The following MYOCD variants were observed in gnomAD, a reference collection of about 807,000 sequenced individuals.
MYOCD encodes the protein myocardin.
MYOCD carries 32 observed loss-of-function variants against 96.1 expected under a neutral mutation model. The observed-to-expected ratio is 0.33, with a 90% confidence interval of 0.25 to 0.45. The LOEUF is 0.45. Among genes scored for constraint, MYOCD ranks in the 20% least tolerant of loss-of-function variants. The pLI is 1.00. For synonymous variants in MYOCD, 469 were observed against 469.0 expected (o/e 1.00, Z 0.00); for missense variants, 1,133 against 1,200.6 (o/e 0.94, Z 0.83).
At chr17:12,753,770 A>G (rs2032931162) in intron 10 of MYOCD, among the ~76,000 whole-genome samples, 2 of 152,178 alleles carry the variant, frequency 1.3e-5, no homozygotes, top group South Asian at 4.1e-4. Context: ...CAGGATTCCC[A>G]GGATTCCTCG....
chr17:12,739,333 G>A lies in MYOCD; in HGVS notation c.717+5G>A. The A allele has an allele frequency of 6.4e-7, 1 of 1,558,066 alleles. No individual in the cohort carries two copies. The highest frequency in any genetic ancestry group is 2.0e-5 in the Admixed American group (1 of 49,014). Reference sequence around the variant, plus strand: ...GCCGTGCATGCTGCTGTAAAGGTACGGACACATCAGCCTCCAAGCCCTGCC... The same window carrying A: ...GCCGTGCATGCTGCTGTAAAGGTACAGACACATCAGCCTCCAAGCCCTGCC... On this transcript the variant is annotated splice_donor_5th_base_variant and intron_variant, in intron 7 of 13. Coordinates refer to ENST00000425538, the MANE Select transcript of MYOCD (RefSeq NM_001146312.3).
rs755745713 is a variant in MYOCD at position 12,758,154 on chromosome 17, T to G, written c.2272T>G (p.Ser758Ala). Residue 758 changes from serine to alanine, a missense_variant, in exon 12 of 14, where the codon TCA becomes GCA. Ser to Ala is a moderately conservative substitution (Grantham distance 99). Coordinates refer to ENST00000425538, the MANE Select transcript of MYOCD (RefSeq NM_001146312.3). ...AATTCCATCCCCAACTTTTTCTAAG[T>G]CAAGTTCAGCAATTTCAGAGGTAAC... ...FSIPSPTFSK[S>A]SSAISEVTQP... 2.5e-6 allele frequency: 4 copies of G among 1,614,060 alleles called. No individual in the cohort carries two copies. Among genetic ancestry groups the G allele is most frequent in the Non-Finnish European group, 3.4e-6 (4 of 1,180,030 alleles).
At chr17:12,732,499 C>G (rs1355346810) in intron 5 of MYOCD, among the ~76,000 whole-genome samples, 1 of 152,208 alleles carries the variant, frequency 6.6e-6, no homozygotes, top group African/African-American at 2.4e-5. Context: ...CCAGCACTCA[C>G]CAGGCAGTCT....
At chr17:12,673,075 A>T (rs1909800924) in intron 1 of MYOCD, among the ~76,000 whole-genome samples, 1 of 152,038 alleles carries the variant, frequency 6.6e-6, no homozygotes, top group Admixed American at 6.5e-5. Flanking sequence ...ATGACTAGAA[A>T]ATACCCCATA....
intron 12 of MYOCD, among the ~76,000 whole-genome samples, chr17:12,759,171 A>C (rs1402221138): frequency 2.0e-5 from 3 of 152,208 alleles, no homozygotes; most frequent in African/African-American, 7.2e-5. Context: ...CATTTACATC[A>C]ATTGCTACAT....
At chr17:12,697,355 A>ATTTTTTT (rs2030810224) in intron 1 of MYOCD, among the ~76,000 whole-genome samples, 1 of 86,022 alleles carries the variant, frequency 1.2e-5, no homozygotes, top group African/African-American at 6.1e-5. Flanking sequence ...ATATATATAT[A>ATTTTTTT]TATATTTTTT....
Position 12,736,329 on chromosome 17 carries a change from C to T in MYOCD, c.584C>T (p.Thr195Ile), listed in dbSNP as rs2032343912. ...ACCCCTTCGACAGGTTCTCTGGGGA[C>T]AAACCAGGTAAAAAACAAAACAAAC... ...SDTPSTGSLG[T>I]NQDLASGSEN... Residue 195 changes from threonine to isoleucine, a missense_variant, in exon 6 of 14, where the codon ACA becomes ATA. Thr to Ile is a moderately conservative substitution (Grantham distance 89, BLOSUM62 -1). Coordinates refer to ENST00000425538, the MANE Select transcript of MYOCD (RefSeq NM_001146312.3). 6.2e-7 allele frequency: 1 copy of T among 1,611,528 alleles called. No homozygotes were observed. The highest frequency in any genetic ancestry group is 1.7e-4 in the Middle Eastern group (1 of 6,038).
rs1597823300 is a variant in MYOCD at position 12,763,564 on chromosome 17, A to G, written c.2881A>G (p.Ser961Gly). 2 of 1,614,188 alleles carry G rather than the reference A, an allele frequency of 1.2e-6. No homozygotes were observed. Among genetic ancestry groups the G allele is most frequent in the South Asian group, 1.1e-5 (1 of 91,084 alleles). Residue 961 changes from serine (S) to glycine (G), a missense_variant, in exon 14 of 14, where the codon AGC becomes GGC. Coordinates refer to ENST00000425538, the MANE Select transcript of MYOCD (RefSeq NM_001146312.3). ...GFSALTTSSP[S>G]IFNIDFLDVT... ...TAGCGCCCTCACCACCAGCAGCCCC[A>G]GCATCTTCAACATCGATTTCCTGGA...
Position 12,666,123 on chromosome 17 carries a change from G to A in MYOCD, c.-66G>A. ...TAGCTGCGGTCAGCTGGGCTCCCGGGAGCCTGTTGCTGGTGGAGAACAGGG... is the reference window on the plus strand; with the variant it reads ...TAGCTGCGGTCAGCTGGGCTCCCGGAAGCCTGTTGCTGGTGGAGAACAGGG... On this transcript the variant is annotated 5_prime_UTR_variant, in exon 1 of 14. Coordinates refer to ENST00000425538, the MANE Select transcript of MYOCD (RefSeq NM_001146312.3). The A allele has an allele frequency of 8.0e-7, 1 of 1,250,122 alleles. No homozygotes were observed. The highest frequency in any genetic ancestry group is 1.5e-5 in the African/African-American group (1 of 67,854). 77.4% of individuals were successfully genotyped at this position (1,250,122 alleles called of 1,614,324 possible). A position where few individuals can be genotyped will look rare whatever the true frequency, so the allele number is the denominator to read the frequency against.
At chr17:12,719,174 CAAAAAAAAAAAA>C (rs71144920) in intron 4 of MYOCD, among the ~76,000 whole-genome samples, 43 of 49,144 alleles carry the variant, frequency 8.7e-4, no homozygotes, top group Middle Eastern at 0.014. Context: ...GACTCTGTCT[CAAAAAAAAAAAA>C]AAAAAAAAAA....
At position 12,752,537 on chromosome 17, in the gene MYOCD, G is replaced by A. The variant is rs201634014; in HGVS notation, c.1249G>A (p.Asp417Asn). 1.9e-6 allele frequency: 3 copies of A among 1,614,142 alleles called. No individual in the cohort carries two copies. The highest frequency in any genetic ancestry group is 4.5e-5 in the East Asian group (2 of 44,876). Reference sequence around the variant, plus strand: ...TGGCAACCCAGTGCCGAACTTTGGGGATATAACGACTGTCACTTTTCCTGT... The same window carrying A: ...TGGCAACCCAGTGCCGAACTTTGGGAATATAACGACTGTCACTTTTCCTGT... ...CSGNPVPNFG[D>N]ITTVTFPVTP... Residue 417 changes from aspartate to asparagine, a missense_variant, in exon 10 of 14, where the codon GAT (aspartate) becomes AAT (asparagine). Transcript: ENST00000425538.
chr17:12,732,150 G>A lies in MYOCD; in HGVS notation c.416-4011G>A, dbSNP rs548628495. Among the ~76,000 whole-genome samples the A allele has an allele frequency of 6.6e-5, 10 of 152,270 alleles. No homozygotes were observed. In the South Asian group the frequency reaches 1.9e-3, roughly 28 times the overall value. On this transcript the variant is annotated intron_variant, in intron 5 of 13. Coordinates refer to ENST00000425538, the MANE Select transcript of MYOCD (RefSeq NM_001146312.3). ...TGGTTGTTTACGCAGGTGTAAACCC[G>A]TACGCGGGATGTAGTTCCATGCACT...
In MYOCD at chr17:12,753,086, G is replaced by A; in HGVS notation, c.1798G>A (p.Ala600Thr). The A allele has an allele frequency of 6.2e-7, 1 of 1,614,190 alleles. No homozygotes were observed. The highest frequency in any genetic ancestry group is 8.5e-7 in the Non-Finnish European group (1 of 1,180,046). ...CAGCAGCTCAGAGTGTCACCCACCG[G>A]CTTGTGAAGCTGCTCAACTCCAGCC... ...QSSSSECHPP[A>T]CEAAQLQPLG... The change falls in exon 10 of 14, where the codon GCT becomes ACT. Residue 600 changes from alanine to threonine, a missense_variant. By Grantham distance (58) the Ala-to-Thr change is moderately conservative. Transcript: ENST00000425538.
At chr17:12,723,336 T>C (rs923830575) in intron 5 of MYOCD, among the ~76,000 whole-genome samples, 1 of 152,138 alleles carries the variant, frequency 6.6e-6, no homozygotes, top group Admixed American at 6.5e-5. Flanking sequence ...TGTTTAGCCT[T>C]CCTTGTTTAA....
At position 12,764,461 on chromosome 17, in the gene MYOCD, A is replaced by C. The variant is rs1326745695; in HGVS notation, c.*817A>C. 1 of 152,398 alleles carries C rather than the reference A, an allele frequency of 6.6e-6. No individual in the cohort carries two copies. Among genetic ancestry groups the C allele is most frequent in the Non-Finnish European group, 1.5e-5 (1 of 68,180 alleles). The allele number at this position is 152,398 out of a possible 1,614,324, so 9.4% of individuals were successfully genotyped here. A position where few individuals can be genotyped will look rare whatever the true frequency, so the allele number is the denominator to read the frequency against. Reference sequence around the variant, plus strand: ...CCGAAGGAGATGCCACAAGCTCTCCAACACAGCCCCCTTTAGTTCCAAAGA... The same window carrying C: ...CCGAAGGAGATGCCACAAGCTCTCCCACACAGCCCCCTTTAGTTCCAAAGA... On this transcript the variant is annotated 3_prime_UTR_variant, in exon 14 of 14. Coordinates refer to ENST00000425538, the MANE Select transcript of MYOCD (RefSeq NM_001146312.3).
intron 1 of MYOCD, among the ~76,000 whole-genome samples, chr17:12,676,984 G>T (rs1351925721): frequency 6.6e-6 from 1 of 152,186 alleles, no homozygotes; most frequent in African/African-American, 2.4e-5. Flanking sequence ...TTGACATAGT[G>T]CAGGGATGTG....
At chr17:12,732,101 T>C (rs961276532) in intron 5 of MYOCD, among the ~76,000 whole-genome samples, 8 of 152,122 alleles carry the variant, frequency 5.3e-5, no homozygotes, top group African/African-American at 1.4e-4. Context: ...AGAGGAGTCA[T>C]ATTTGGGGCC....
intron 13 of MYOCD, 127 bp downstream of exon 13, chr17:12,760,834 C>A: frequency 1.3e-6 from 1 of 760,900 alleles, no homozygotes; most frequent in Non-Finnish European, 2.3e-6. Context: ...TCAGGGAGAG[C>A]CATTTCCTTT....
At position 12,756,522 on chromosome 17, in the gene MYOCD, A is replaced by G; in HGVS notation, c.2167A>G (p.Asn723Asp). The G allele has an allele frequency of 6.4e-7, 1 of 1,551,666 alleles. No individual in the cohort carries two copies. Among genetic ancestry groups the G allele is most frequent in the Non-Finnish European group, 8.7e-7 (1 of 1,147,012 alleles). Residue 723 changes from asparagine (N) to aspartate (D), a missense_variant, in exon 11 of 14, where the codon AAC becomes GAC. Physicochemically the swap from Asn to Asp is conservative, Grantham distance 23. Coordinates refer to ENST00000425538, the MANE Select transcript of MYOCD (RefSeq NM_001146312.3). ...QADSSHGAGG[N>D]PCPKSPCVQQ... ...AGACAGCAGTCATGGTGCCGGGGGA[A>G]ACCCTTGTCCCAAAAGCCCATGTGT...
Sources: gnomAD v4.1 joint callset for allele counts (sites outside exome capture counted in the v4.1 genomes callset) on GRCh38, gnomAD v4.1.1 for gene constraint, MANE v1.5 for transcripts, NCBI Gene and HGNC (gene_info 2026-07-23, HGNC 2026-07-21) for gene names.